Variants in PITPNA observed in about 807,000 individuals in gnomAD.
PITPNA encodes the protein phosphatidylinositol transfer protein alpha.
A neutral mutation model predicts 50.3 loss-of-function variants in PITPNA; 13 were observed. The ratio of observed to expected loss-of-function variants is 0.26; its 90% CI spans 0.17 to 0.41. The LOEUF (loss-of-function observed/expected upper bound fraction) is 0.41, where lower values mean the gene tolerates loss of function less well. PITPNA is among the 10% of genes least tolerant of loss of function. The probability of loss-of-function intolerance (pLI) is 1.00; values close to 1 mark genes in which losing one functional copy is unlikely to be tolerated. For missense variants in PITPNA, 207 were observed against 333.4 expected (o/e 0.62, Z 2.95); for synonymous variants, 120 against 119.6 (o/e 1.00, Z -0.02).
At chr17:1,549,197 C>T (rs1366691370) in intron 3 of PITPNA, among the ~76,000 whole-genome samples, 9 of 151,908 alleles carry the variant, frequency 5.9e-5, no homozygotes, top group African/African-American at 1.4e-4. Context: ...TGAGCCACCG[C>T]GCCCGGTCTC....
chr17:1,524,326 G>A (rs1271632481), intron 10 of PITPNA, among the ~76,000 whole-genome samples: 2 of 149,692 alleles, frequency 1.3e-5, no homozygotes, highest in South Asian at 2.1e-4. Flanking sequence ...TTACAGGCGT[G>A]AGCCATCGCA....
At chr17:1,521,285 T>C (rs1452290617) in intron 11 of PITPNA, among the ~76,000 whole-genome samples, 1 of 152,038 alleles carries the variant, frequency 6.6e-6, no homozygotes, top group Non-Finnish European at 1.5e-5. Flanking sequence ...CAACTTGAGA[T>C]GGATCAAGCT....
chr17:1,523,505 CT>C lies in PITPNA; in HGVS notation c.769-1861del, dbSNP rs11401118. Among the ~76,000 whole-genome samples the C allele has an allele frequency of 1.0e-3, 121 of 117,394 alleles. 1 individual carries two copies. Among genetic ancestry groups the C allele is most frequent in the Middle Eastern group, 4.7e-3 (1 of 212 alleles). The allele number at this position is 117,394 out of a possible 152,430, so 77.0% of individuals were successfully genotyped here. A position where few individuals can be genotyped will look rare whatever the true frequency, so the allele number is the denominator to read the frequency against. The stretch of plus-strand genomic sequence containing the variant: ...TACAGGCATGTGCCACCACGCCTGG[CT>C]TTTTTTTTTTTTTTTTTTGAGACAC... On this transcript the variant is annotated intron_variant, in intron 10 of 11. Transcript: ENST00000313486.
At chr17:1,549,036 T>C (rs568848676) in intron 3 of PITPNA, among the ~76,000 whole-genome samples, 52 of 152,060 alleles carry the variant, frequency 3.4e-4, no homozygotes, top group Non-Finnish European at 6.5e-4. Context: ...GCCTCTTGAG[T>C]AGCTGGGATT....
In PITPNA at chr17:1,543,732, C is replaced by A. The variant is rs368773878; in HGVS notation, c.290-705G>T. 6.6e-5 allele frequency among the ~76,000 whole-genome samples: 10 copies of A among 152,214 alleles called. No homozygotes were observed. In the South Asian group the frequency reaches 1.0e-3, roughly 16 times the overall value. On this transcript the variant is annotated intron_variant, in intron 4 of 11. Transcript: ENST00000313486. ...CTGAAGTTAAGGTGACCCCGGAGCA[C>A]AAAATGAGGCAAAGTTGAAATATAA...
intron 3 of PITPNA, among the ~76,000 whole-genome samples, chr17:1,552,107 G>A (rs577380815): frequency 2.6e-5 from 4 of 152,248 alleles, no homozygotes; most frequent in Non-Finnish European, 5.9e-5. Context: ...TTTTCCAAAT[G>A]AAAGTCAATT....
intron 6 of PITPNA, among the ~76,000 whole-genome samples, chr17:1,541,221 G>A (rs2075646373): frequency 1.3e-5 from 2 of 152,136 alleles, no homozygotes; most frequent in South Asian, 4.1e-4. Flanking sequence ...AAATTCTTGG[G>A]CATGGAAATG....
In PITPNA at chr17:1,558,230, CA is replaced by C. The variant is rs11427981; in HGVS notation, c.51+298del. Among the ~76,000 whole-genome samples the C allele has an allele frequency of 6.4e-3, 666 of 104,196 alleles. 8 individuals are homozygous for C. The highest frequency in any genetic ancestry group is 0.022 in the African/African-American group (575 of 26,420). The allele number at this position is 104,196 out of a possible 152,430, so 68.4% of individuals were successfully genotyped here. On this transcript the variant is annotated intron_variant, in intron 2 of 11. Coordinates refer to ENST00000313486, the MANE Select transcript of PITPNA (RefSeq NM_006224.4). ...TGGGAAACTGAGCAAGACTCCGTCT[CA>C]AAAAAAAAAAAAAAAAAGGGTCCCC...
chr17:1,535,344 G>A (rs939914635), intron 8 of PITPNA, 52 bp from the exon 9 acceptor site: 4 of 1,521,330 alleles, frequency 2.6e-6, no homozygotes, highest in South Asian at 2.2e-5. Flanking sequence ...GCAGACCTCA[G>A]GCCGTCCCCA....
At chr17:1,536,275 GAGA>G (rs1055242530) in intron 7 of PITPNA, among the ~76,000 whole-genome samples, 2 of 150,442 alleles carry the variant, frequency 1.3e-5, no homozygotes, top group Non-Finnish European at 1.5e-5. Flanking sequence ...TCCCAAAGCT[GAGA>G]AGTTTTTTTT....
At chr17:1,540,875 G>A (rs1320867660) in intron 6 of PITPNA, among the ~76,000 whole-genome samples, 2 of 152,010 alleles carry the variant, frequency 1.3e-5, no homozygotes, top group Non-Finnish European at 2.9e-5. Flanking sequence ...GTGAGCCACC[G>A]CACCCGGTCT....
At chr17:1,539,151 C>G (rs949083664) in intron 6 of PITPNA, among the ~76,000 whole-genome samples, 199 bp from the exon 7 acceptor site, 3 of 152,072 alleles carry the variant, frequency 2.0e-5, no homozygotes, top group Admixed American at 1.3e-4. Context: ...GGGGTCTCAC[C>G]GTGTTTCTCA....
intron 10 of PITPNA, among the ~76,000 whole-genome samples, chr17:1,527,577 A>C (rs1466323413): frequency 1.3e-5 from 2 of 152,134 alleles, no homozygotes; most frequent in African/African-American, 4.8e-5. Flanking sequence ...GGTTTCCTTT[A>C]GGGAATGAGG....
Position 1,551,051 on chromosome 17 carries a change from T to C in PITPNA, c.197+1953A>G, listed in dbSNP as rs1027691089. The stretch of plus-strand genomic sequence containing the variant: ...GACCTGATGGGACACGAAGGGCGAG[T>C]GAGAGTATTGCGGGGCGGAGTCAGC... On this transcript the variant is annotated intron_variant, in intron 3 of 11. Coordinates refer to ENST00000313486, the MANE Select transcript of PITPNA (RefSeq NM_006224.4). 6.9e-4 allele frequency among the ~76,000 whole-genome samples: 96 copies of C among 139,736 alleles called. 1 individual carries two copies. The highest frequency in any genetic ancestry group is 2.5e-3 in the African/African-American group (96 of 37,852). 91.7% of individuals were successfully genotyped at this position (139,736 alleles called of 152,430 possible). A position where few individuals can be genotyped will look rare whatever the true frequency, so the allele number is the denominator to read the frequency against.
At chr17:1,545,261 C>T (rs973605849) in intron 4 of PITPNA, among the ~76,000 whole-genome samples, 1 of 152,130 alleles carries the variant, frequency 6.6e-6, no homozygotes, top group African/African-American at 2.4e-5. Context: ...GTTTTCACTC[C>T]GCTCAGAGAA....
chr17:1,542,984 A>C, intron 5 of PITPNA, 36 bp downstream of exon 5: 1 of 1,536,298 alleles, frequency 6.5e-7, no homozygotes, highest in Non-Finnish European at 8.9e-7. Flanking sequence ...GTTCTTATAC[A>C]TCATCTACAG....
At chr17:1,559,072 A>C (rs1239740323) in intron 1 of PITPNA, among the ~76,000 whole-genome samples, 1 of 151,894 alleles carries the variant, frequency 6.6e-6, no homozygotes, top group African/African-American at 2.4e-5. Context: ...TGGGGACTTA[A>C]ATTTCTGTGG....
intron 4 of PITPNA, among the ~76,000 whole-genome samples, chr17:1,547,008 A>G (rs1002788236): frequency 6.6e-6 from 1 of 152,164 alleles, no homozygotes; most frequent in African/African-American, 2.4e-5. Context: ...AAACAAAACA[A>G]AACAAAACAC....
Position 1,562,594 on chromosome 17 carries a change from G to C in PITPNA, c.-34C>G. 8.0e-7 allele frequency: 1 copy of C among 1,256,932 alleles called. No homozygotes were observed. 77.9% of individuals were successfully genotyped at this position (1,256,932 alleles called of 1,614,324 possible). A position where few individuals can be genotyped will look rare whatever the true frequency, so the allele number is the denominator to read the frequency against. On this transcript the variant is annotated 5_prime_UTR_variant, in exon 1 of 12. Coordinates refer to ENST00000313486, the MANE Select transcript of PITPNA (RefSeq NM_006224.4). This position sits in a 1 kb window ranked among gnomAD's most constrained non-coding sequence, Gnocchi z 6.4. ...GCGGCTCGGTGGCTGCCCGCGGCCC[G>C]CCCGGCCTCCCGCCCGCTGCCCGCC...
Sources: gnomAD v4.1 joint callset for allele counts (sites outside exome capture counted in the v4.1 genomes callset) on GRCh38, gnomAD v4.1.1 for gene constraint, Gnocchi (gnomAD v3.1) non-coding constraint, MANE v1.5 for transcripts, NCBI Gene and HGNC (gene_info 2026-07-23, HGNC 2026-07-21) for gene names.